The following LHFPL4 variants were observed in gnomAD, a reference collection of about 807,000 sequenced individuals.
The protein encoded by LHFPL4 is LHFPL tetraspan subfamily member 4.
LHFPL4 carries 6 observed loss-of-function variants against 20.0 expected under a neutral mutation model. That is an observed-to-expected ratio of 0.30 (90% confidence interval 0.16 to 0.59). The LOEUF (loss-of-function observed/expected upper bound fraction) is 0.59, where lower values mean the gene tolerates loss of function less well. Ranked by LOEUF, LHFPL4 falls within the 20% of genes least tolerant of loss-of-function variation. The pLI, the probability that LHFPL4 is intolerant of heterozygous loss-of-function variation, is 0.88. For missense variants in LHFPL4, 215 were observed against 331.2 expected, an observed-to-expected ratio of 0.65 and a Z score of 2.72; for synonymous variants, 129 against 143.8, an observed-to-expected ratio of 0.90 and a Z score of 0.74.
rs191436124 is a variant in LHFPL4 at position 9,545,784 on chromosome 3, C to T, written c.406+6490G>A. Among the ~76,000 whole-genome samples the T allele has an allele frequency of 5.9e-3, 897 of 151,838 alleles. 6 individuals carry two copies. Among genetic ancestry groups the T allele is most frequent in the Non-Finnish European group, 9.2e-3 (622 of 67,938 alleles). ...ATTAACAAGGCATGGTGGTGTGTGC[C>T]TGTAGTTCTAGCTACTGAGGGAGCT... On this transcript the variant is annotated intron_variant, in intron 2 of 3. Coordinates refer to ENST00000287585, the MANE Select transcript of LHFPL4 (RefSeq NM_198560.3).
chr3:9,542,806 CAAA>C (rs148495276), intron 2 of LHFPL4, among the ~76,000 whole-genome samples: 8 of 78,446 alleles, frequency 1.0e-4, no homozygotes, highest in Admixed American at 3.0e-4. Context: ...GGCCCTATCT[CAAA>C]AAAAAAAAAA....
At chr3:9,516,719 C>G (rs369376351) in intron 2 of LHFPL4, among the ~76,000 whole-genome samples, 3 of 151,992 alleles carry the variant, frequency 2.0e-5, no homozygotes, top group East Asian at 3.8e-4. Flanking sequence ...GGTGATCCAC[C>G]CACCTCGGCC....
At position 9,506,828 on chromosome 3, in the gene LHFPL4, A is replaced by G. The variant is rs1307215392; in HGVS notation, c.407-625T>C. 6.6e-6 allele frequency among the ~76,000 whole-genome samples: 1 copy of G among 152,044 alleles called. No individual in the cohort carries two copies. Among genetic ancestry groups the G allele is most frequent in the East Asian group, 1.9e-4 (1 of 5,182 alleles). ...ACTCCTAACCTCAAGTGATCTGCCC[A>G]CCTCAGCCTCCCAAAGTGTTGGGAT... On this transcript the variant is annotated intron_variant, in intron 2 of 3. Coordinates refer to ENST00000287585, the MANE Select transcript of LHFPL4 (RefSeq NM_198560.3). The surrounding 1 kb of genome is among the most constrained non-coding windows in gnomAD (Gnocchi z 4.5).
intron 2 of LHFPL4, among the ~76,000 whole-genome samples, chr3:9,521,452 A>G (rs184426070): frequency 2.0e-5 from 3 of 150,490 alleles, no homozygotes; most frequent in Non-Finnish European, 4.4e-5. Context: ...CTGGGGCTGG[A>G]GTGCAGTGGC....
intron 2 of LHFPL4, among the ~76,000 whole-genome samples, chr3:9,534,554 C>T (rs916852016): frequency 6.6e-6 from 1 of 152,162 alleles, no homozygotes; most frequent in Non-Finnish European, 1.5e-5. Context: ...CACTGACAAC[C>T]TTGGCTCCTT....
In LHFPL4 at chr3:9,521,595, G is replaced by C. The variant is rs2046338132; in HGVS notation, c.407-15392C>G. ...TTTTTGTACTTTTTTAGTAAAGACA[G>C]GGTTTCGCCATGTTAGCCAGGATGA... is the stretch of plus-strand genomic sequence containing the variant. On this transcript the variant is annotated intron_variant, in intron 2 of 3. Coordinates refer to ENST00000287585, the MANE Select transcript of LHFPL4 (RefSeq NM_198560.3). Among the ~76,000 whole-genome samples, 5 of 151,992 alleles carry C rather than the reference G, an allele frequency of 3.3e-5. No homozygotes were observed. In the South Asian group the frequency reaches 1.0e-3, roughly 32 times the overall value.
chr3:9,532,590 C>A (rs1044244192), intron 2 of LHFPL4, among the ~76,000 whole-genome samples: 7 of 152,198 alleles, frequency 4.6e-5, no homozygotes, highest in Admixed American at 2.0e-4. Flanking sequence ...CCTCCTTGGC[C>A]TCCCAAAGTG....
chr3:9,528,065 G>A (rs1313763195), intron 2 of LHFPL4, among the ~76,000 whole-genome samples: 1 of 152,100 alleles, frequency 6.6e-6, no homozygotes, highest in East Asian at 1.9e-4. Flanking sequence ...TATCATCTGA[G>A]CCAGCCTTCA....
intron 2 of LHFPL4, among the ~76,000 whole-genome samples, chr3:9,523,368 G>C (rs939646148): frequency 2.9e-4 from 43 of 150,000 alleles, no homozygotes; most frequent in Non-Finnish European, 5.2e-4. Flanking sequence ...GAGACAGAGT[G>C]AGACTTCGTC....
At position 9,513,317 on chromosome 3, in the gene LHFPL4, T is replaced by C. The variant is rs373896556; in HGVS notation, c.407-7114A>G. Reference sequence around the variant, plus strand: ...TTGGGTCATTTATTTTATTTTATTTTGTTTTGTTTTTGCGACAGGTCTTGC... The same window carrying C: ...TTGGGTCATTTATTTTATTTTATTTCGTTTTGTTTTTGCGACAGGTCTTGC... On this transcript the variant is annotated intron_variant, in intron 2 of 3. Coordinates refer to ENST00000287585, the MANE Select transcript of LHFPL4 (RefSeq NM_198560.3). Among the ~76,000 whole-genome samples, 135 of 152,186 alleles carry C rather than the reference T, an allele frequency of 8.9e-4. 1 individual carries two copies. In the South Asian group the frequency reaches 0.011, roughly 12 times the overall value.
At chr3:9,511,650 A>G (rs1273082019) in intron 2 of LHFPL4, among the ~76,000 whole-genome samples, 2 of 152,198 alleles carry the variant, frequency 1.3e-5, no homozygotes, top group Non-Finnish European at 2.9e-5. Context: ...AATCAAAACA[A>G]TGTTCTTAGA....
intron 2 of LHFPL4, among the ~76,000 whole-genome samples, chr3:9,551,825 GAAGTA>G (rs1396381680): frequency 6.6e-6 from 1 of 152,164 alleles, no homozygotes; most frequent in East Asian, 1.9e-4. Flanking sequence ...GAGCCTCAGA[GAAGTA>G]AAGTGAAACA....
At chr3:9,502,397 C>T (rs2046183459) in intron 3 of LHFPL4, 86 bp from the exon 4 acceptor site, 1 of 1,000,902 alleles carries the variant, frequency 1.0e-6, no homozygotes, top group South Asian at 1.3e-5. Context: ...TTGCACATTC[C>T]CCAGGGCACA....
At position 9,523,077 on chromosome 3, in the gene LHFPL4, G is replaced by GAAGAAAGAAAGAAAGA. The variant is rs752981499; in HGVS notation, c.407-16890_407-16875dup. Among the ~76,000 whole-genome samples the GAAGAAAGAAAGAAAGA allele has an allele frequency of 9.6e-4, 110 of 114,058 alleles. 1 individual carries two copies. The highest frequency in any genetic ancestry group is 8.1e-3 in the South Asian group (25 of 3,086). 74.8% of individuals were successfully genotyped at this position (114,058 alleles called of 152,430 possible). A position where few individuals can be genotyped will look rare whatever the true frequency, so the allele number is the denominator to read the frequency against. On this transcript the variant is annotated intron_variant, in intron 2 of 3. Transcript: ENST00000287585. The stretch of plus-strand genomic sequence containing the variant: ...AAAAAAAGAAAGAAAGAAAGAAAAG[G>GAAGAAAGAAAGAAAGA]AAGAAAGAAAGAAAGAGAGAGAGAG...
chr3:9,552,058 C>G (rs1421351299), intron 2 of LHFPL4, among the ~76,000 whole-genome samples: 3 of 152,126 alleles, frequency 2.0e-5, no homozygotes, highest in African/African-American at 7.2e-5. Context: ...GCATACAGAC[C>G]CACCCACCCA....
intron 2 of LHFPL4, among the ~76,000 whole-genome samples, chr3:9,518,301 G>T (rs892542558): frequency 6.6e-6 from 1 of 152,036 alleles, no homozygotes; most frequent in African/African-American, 2.4e-5. Flanking sequence ...TTATTGATTT[G>T]ACTTGCTAAT....
At chr3:9,522,692 G>A (rs1488330735) in intron 2 of LHFPL4, among the ~76,000 whole-genome samples, 11 of 150,756 alleles carry the variant, frequency 7.3e-5, no homozygotes, top group African/African-American at 1.5e-4. Context: ...GCAGTGAGCC[G>A]AGATTGTGCC....
chr3:9,526,164 C>T (rs2046373851), intron 2 of LHFPL4, among the ~76,000 whole-genome samples: 1 of 152,074 alleles, frequency 6.6e-6, no homozygotes, highest in African/African-American at 2.4e-5. Context: ...TTTATATGAG[C>T]TACCTAGAGT....
intron 2 of LHFPL4, among the ~76,000 whole-genome samples, chr3:9,533,618 T>G (rs2046425199): frequency 6.6e-6 from 1 of 151,634 alleles, no homozygotes; most frequent in African/African-American, 2.4e-5. Context: ...CCGTCTCTAC[T>G]AAAAATACAC....
Sources: gnomAD v4.1 joint callset for allele counts (sites outside exome capture counted in the v4.1 genomes callset) on GRCh38, gnomAD v4.1.1 for gene constraint, Gnocchi (gnomAD v3.1) non-coding constraint, MANE v1.5 for transcripts, NCBI Gene and HGNC (gene_info 2026-07-23, HGNC 2026-07-21) for gene names.